The following COL1A2 variants were observed in gnomAD, a reference collection of about 807,000 sequenced individuals.
The protein encoded by COL1A2 is collagen alpha-2(I) chain.
A neutral mutation model predicts 174.3 loss-of-function variants in COL1A2; 49 were observed. The ratio of observed to expected loss-of-function variants is 0.28; its 90% CI spans 0.22 to 0.36. The LOEUF (loss-of-function observed/expected upper bound fraction) is 0.36, where lower values mean the gene tolerates loss of function less well. Ranked by LOEUF, COL1A2 falls within the 10% of genes least tolerant of loss-of-function variation. The pLI is 1.00. For missense variants in COL1A2, 1,438 were observed against 1,822.7 expected (o/e 0.79, Z 3.84); for synonymous variants, 655 against 606.6 (o/e 1.08, Z -1.17).
rs574816932 is a variant in COL1A2 at position 94,411,812 on chromosome 7, T to G, written c.1351-256T>G. 1.5e-4 allele frequency among the ~76,000 whole-genome samples: 23 copies of G among 152,350 alleles called. No homozygotes were observed. The South Asian group carries it at 4.8e-3, about 32-fold the overall frequency. ...TACATTTTGCCCATATACATGTTGC[T>G]TAACAGTTTCTTGAGATATCTATAA... is the stretch of plus-strand genomic sequence containing the variant. On this transcript the variant is annotated intron_variant, in intron 23 of 51. Transcript: ENST00000297268.
intron 24 of COL1A2, 52 bp from the exon 25 acceptor site, chr7:94,412,532 G>A: frequency 1.4e-6 from 2 of 1,385,800 alleles, no homozygotes; most frequent in East Asian, 2.3e-5. Flanking sequence ...ATAAGCTTGA[G>A]GTTGTGAGAA....
intron 25 of COL1A2, among the ~76,000 whole-genome samples, 160 bp downstream of exon 25, chr7:94,412,842 G>A (rs932713950): frequency 1.3e-5 from 2 of 152,162 alleles, no homozygotes; most frequent in African/African-American, 2.4e-5. Flanking sequence ...TACCTCTAGT[G>A]TATCCTTATA....
In COL1A2 at chr7:94,413,676, T is replaced by C. The variant is rs776887786; in HGVS notation, c.1558-14T>C. 1.7e-5 allele frequency: 28 copies of C among 1,613,880 alleles called. No individual in the cohort carries two copies. Among genetic ancestry groups the C allele is most frequent in the East Asian group, 4.5e-5 (2 of 44,900 alleles). ...TTGCAGCTAACCATCAGCCTTTCTGTTAAATATTTTTAGGGTGCTCCAGGT... is the reference window on the plus strand; with the variant it reads ...TTGCAGCTAACCATCAGCCTTTCTGCTAAATATTTTTAGGGTGCTCCAGGT... On this transcript the variant is annotated splice_polypyrimidine_tract_variant and intron_variant, in intron 26 of 51. Transcript: ENST00000297268.
At chr7:94,411,891 A>C (rs1791936158) in intron 23 of COL1A2, among the ~76,000 whole-genome samples, 177 bp from the exon 24 acceptor site, 1 of 152,220 alleles carries the variant, frequency 6.6e-6, no homozygotes, top group South Asian at 2.1e-4. Flanking sequence ...AAAATAGAAG[A>C]AAAATTTCAG....
intron 1 of COL1A2, among the ~76,000 whole-genome samples, chr7:94,397,219 A>G (rs41317858): frequency 0.015 from 2,347 of 152,286 alleles, 51 homozygotes; most frequent in South Asian, 0.1. Context: ...TACAAACTCA[A>G]TGAAGTACTA....
intron 34 of COL1A2, 52 bp downstream of exon 34, chr7:94,419,603 TC>T (rs755464596): frequency 6.3e-7 from 1 of 1,599,242 alleles, no homozygotes; most frequent in East Asian, 2.2e-5. Flanking sequence ...TTTCCCGCCT[TC>T]CCTAGTCCCA....
chr7:94,428,547 G>A (rs1792335096), intron 50 of COL1A2, 70 bp downstream of exon 50: 2 of 1,417,436 alleles, frequency 1.4e-6, no homozygotes, highest in Non-Finnish European at 2.0e-6. Context: ...TTAATTATCT[G>A]CATTTTAATC....
At position 94,401,598 on chromosome 7, in the gene COL1A2, T is replaced by G. The variant is rs1356921816; in HGVS notation, c.257T>G (p.Val86Gly). The change falls in exon 6 of 52, where the codon GTT becomes GGT. Residue 86 changes from valine to glycine, a missense_variant. Physicochemically the swap from Val to Gly is moderately radical, Grantham distance 109. Transcript: ENST00000297268. ...NFAAQYDGKG[V>G]GLGPGPMGLM... ...GCTGCTCAGTATGATGGAAAAGGAGTTGGACTTGGCCCTGGACCAATGGTA... is the reference window on the plus strand; with the variant it reads ...GCTGCTCAGTATGATGGAAAAGGAGGTGGACTTGGCCCTGGACCAATGGTA... 1.3e-6 allele frequency: 2 copies of G among 1,576,846 alleles called. No individual in the cohort carries two copies. Among genetic ancestry groups the G allele is most frequent in the South Asian group, 2.3e-5 (2 of 85,856 alleles).
intron 30 of COL1A2, 86 bp downstream of exon 30, chr7:94,415,356 C>A: frequency 8.8e-7 from 1 of 1,140,878 alleles, no homozygotes; most frequent in Non-Finnish European, 1.3e-6. Flanking sequence ...CACTGATGAC[C>A]CTGCAACAAG....
At position 94,420,464 on chromosome 7, in the gene COL1A2, G is replaced by A; in HGVS notation, c.2187+20G>A. On this transcript the variant is annotated intron_variant, in intron 36 of 51. Coordinates refer to ENST00000297268, the MANE Select transcript of COL1A2 (RefSeq NM_000089.4). ...CCTGCTGTGAGTATCACATAATGAA[G>A]ATTAATCTGAAAACATCCTAAGTTG... 4 of 1,614,184 alleles carry A rather than the reference G, an allele frequency of 2.5e-6. No individual in the cohort carries two copies. Among genetic ancestry groups the A allele is most frequent in the Non-Finnish European group, 3.4e-6 (4 of 1,180,036 alleles).
intron 26 of COL1A2, among the ~76,000 whole-genome samples, 182 bp from the exon 27 acceptor site, chr7:94,413,508 C>T (rs1459139189): frequency 6.6e-6 from 1 of 152,174 alleles, no homozygotes; most frequent in Middle Eastern, 3.2e-3. Context: ...ACTATGTACC[C>T]ACACAAATTA....
intron 16 of COL1A2, 73 bp downstream of exon 16, chr7:94,408,896 T>G (rs1360184464): frequency 7.2e-7 from 1 of 1,387,388 alleles, no homozygotes; most frequent in Admixed American, 1.7e-5. Context: ...GGAACTGTGT[T>G]TGCAGATAAA....
At chr7:94,424,935 T>C (rs1323071681) in intron 41 of COL1A2, 182 bp from the exon 42 acceptor site, 1 of 640,822 alleles carries the variant, frequency 1.6e-6, no homozygotes, top group South Asian at 1.8e-5. Flanking sequence ...GCTGGCCATC[T>C]ACATGTGGAG....
chr7:94,407,764 T>TA (rs1002523076), intron 12 of COL1A2, 83 bp from the exon 13 acceptor site: 131 of 1,251,356 alleles, frequency 1.0e-4, no homozygotes, highest in South Asian at 1.6e-4. Flanking sequence ...TGGTTCAAAG[T>TA]AAAAAAAATA....
At position 94,416,514 on chromosome 7, in the gene COL1A2, A is replaced by T; in HGVS notation, c.1863+11A>T. 1 of 1,552,606 alleles carries T rather than the reference A, an allele frequency of 6.4e-7. No individual in the cohort carries two copies. On this transcript the variant is annotated intron_variant, in intron 31 of 51. Coordinates refer to ENST00000297268, the MANE Select transcript of COL1A2 (RefSeq NM_000089.4). ...CCTGATGGAAACAAGGTAAAATCTT[A>T]TGTTTTCTATATTGCTGGTTTGGCC...
intron 23 of COL1A2, among the ~76,000 whole-genome samples, 157 bp downstream of exon 23, chr7:94,411,311 T>C (rs1406035170): frequency 6.6e-6 from 1 of 152,206 alleles, no homozygotes; most frequent in Non-Finnish European, 1.5e-5. Context: ...GCTCAGTAGA[T>C]ATTTTCATGC....
intron 24 of COL1A2, 31 bp from the exon 25 acceptor site, chr7:94,412,553 C>T (rs745500805): frequency 9.6e-6 from 15 of 1,565,006 alleles, no homozygotes; most frequent in Middle Eastern, 1.7e-4. Context: ...TATGTTGACA[C>T]TGAGTAAACT....
chr7:94,402,126 A>T (rs150078688), intron 6 of COL1A2, among the ~76,000 whole-genome samples: 4 of 152,138 alleles, frequency 2.6e-5, no homozygotes, highest in Admixed American at 2.6e-4. Flanking sequence ...TCTCAAAGTC[A>T]TCCAGGTAAC....
rs1792386509 is a variant in COL1A2, at chr7:94,430,810, T to G, written c.*417T>G. On this transcript the variant is annotated 3_prime_UTR_variant, in exon 52 of 52. Coordinates refer to ENST00000297268, the MANE Select transcript of COL1A2 (RefSeq NM_000089.4). ...TTTCCCATGAGTGTGATCCACATTG[T>G]TAGGTGCTGACCTAGACAGAGATGA... 1 of 226,432 alleles carries G rather than the reference T, an allele frequency of 4.4e-6. No homozygotes were observed. Among genetic ancestry groups the G allele is most frequent in the African/African-American group, 2.4e-5 (1 of 42,460 alleles). The allele number at this position is 226,432 out of a possible 1,614,324, so 14.0% of individuals were successfully genotyped here.
Sources: allele counts gnomAD v4.1 joint callset (sites outside exome capture counted in the v4.1 genomes callset), GRCh38; gene constraint gnomAD v4.1.1; transcripts MANE v1.5; gene names NCBI Gene and HGNC (gene_info 2026-07-23, HGNC 2026-07-21).